Variants in FSHR observed in about 807,000 individuals in gnomAD.
FSHR encodes the protein follicle-stimulating hormone receptor.
Under a neutral mutation model 52.1 loss-of-function variants are expected in FSHR, and 46 were observed. The ratio of observed to expected loss-of-function variants is 0.88; its 90% CI spans 0.70 to 1.13. The LOEUF (loss-of-function observed/expected upper bound fraction) is 1.13, where lower values mean the gene tolerates loss of function less well. Among genes scored for constraint, FSHR ranks in the 50% most tolerant of loss-of-function variants. The pLI, the probability that FSHR is intolerant of heterozygous loss-of-function variation, is 0.00. For missense variants in FSHR, 964 were observed against 834.6 expected (o/e 1.16, Z -1.91); for synonymous variants, 399 against 309.6 (o/e 1.29, Z -3.03).
At chr2:49,054,537 C>T (rs116882003) in intron 2 of FSHR, among the ~76,000 whole-genome samples, 1 of 152,276 alleles carries the variant, frequency 6.6e-6, no homozygotes, top group East Asian at 1.9e-4. Context: ...GAGAGATAGC[C>T]CCAGGTAGAC....
chr2:49,136,485 AAAG>A (rs1672493842), intron 1 of FSHR, among the ~76,000 whole-genome samples: 1 of 152,130 alleles, frequency 6.6e-6, no homozygotes, highest in South Asian at 2.1e-4. Flanking sequence ...CCAAAAGTAA[AAAG>A]AAAATACTTT....
At chr2:49,097,331 T>C (rs1461721528) in intron 1 of FSHR, among the ~76,000 whole-genome samples, 1 of 152,242 alleles carries the variant, frequency 6.6e-6, no homozygotes, top group Non-Finnish European at 1.5e-5. Context: ...GTAGAATTTC[T>C]AGTGATACAT....
chr2:49,142,740 A>C (rs2103841353), intron 1 of FSHR, among the ~76,000 whole-genome samples: 1 of 152,300 alleles, frequency 6.6e-6, no homozygotes, highest in African/African-American at 2.4e-5. Context: ...AGCCCAGGTG[A>C]GGGATGATGG....
chr2:49,047,743 AAAG>A (rs1415668438), intron 2 of FSHR, among the ~76,000 whole-genome samples: 1 of 152,196 alleles, frequency 6.6e-6, no homozygotes, highest in Non-Finnish European at 1.5e-5. Flanking sequence ...CCTTACTGGG[AAAG>A]AAGAATTATG....
intron 2 of FSHR, among the ~76,000 whole-genome samples, 167 bp from the exon 3 acceptor site, chr2:49,020,327 G>A (rs1479798769): frequency 6.6e-6 from 1 of 152,146 alleles, no homozygotes; most frequent in South Asian, 2.1e-4. Flanking sequence ...TAACATACTA[G>A]AGGCTAACAC....
At chr2:49,004,792 C>G (rs1451561365) in intron 4 of FSHR, among the ~76,000 whole-genome samples, 2 of 152,100 alleles carry the variant, frequency 1.3e-5, no homozygotes, top group East Asian at 3.9e-4. Context: ...CTAGACTTGT[C>G]CTTATATCTG....
At chr2:49,055,580 C>G (rs1669032313) in intron 2 of FSHR, among the ~76,000 whole-genome samples, 1 of 129,640 alleles carries the variant, frequency 7.7e-6, no homozygotes, top group Non-Finnish European at 1.6e-5. Flanking sequence ...TAGGGTCAAT[C>G]CCAAAAGTTC....
chr2:49,063,446 A>G (rs1162690455), intron 2 of FSHR, among the ~76,000 whole-genome samples: 1 of 151,922 alleles, frequency 6.6e-6, no homozygotes, highest in Non-Finnish European at 1.5e-5. Context: ...ATATATATAT[A>G]TATGTATGTG....
chr2:48,997,623 A>G (rs1676082406), intron 4 of FSHR, among the ~76,000 whole-genome samples: 1 of 152,050 alleles, frequency 6.6e-6, no homozygotes, highest in African/African-American at 2.4e-5. Context: ...CTTATATTTT[A>G]CACAGGGAAA....
chr2:49,061,026 C>G (rs566020341), intron 2 of FSHR, among the ~76,000 whole-genome samples: 24 of 152,122 alleles, frequency 1.6e-4, no homozygotes, highest in Non-Finnish European at 2.9e-4. Flanking sequence ...CCTGCCCATA[C>G]CTCCAGATTA....
At chr2:49,033,580 CCAAGCTGCCTGCACTGGGGGCTGTGTG>C (rs1401786494) in intron 2 of FSHR, among the ~76,000 whole-genome samples, 2 of 152,094 alleles carry the variant, frequency 1.3e-5, no homozygotes, top group Non-Finnish European at 2.9e-5. Context: ...TGGTCTGCAA[CCAAGCTGCCTGCACTGGGGGCTGTGTG>C]CAAGCTGGAG....
At chr2:48,978,690 A>G (rs191508114) in intron 8 of FSHR, among the ~76,000 whole-genome samples, 13 of 152,344 alleles carry the variant, frequency 8.5e-5, no homozygotes, top group African/African-American at 3.1e-4. Flanking sequence ...TTCAAGGTCA[A>G]GACTCACAAG....
At chr2:49,026,113 T>C (rs990817501) in intron 2 of FSHR, among the ~76,000 whole-genome samples, 2 of 152,204 alleles carry the variant, frequency 1.3e-5, no homozygotes, top group African/African-American at 4.8e-5. Context: ...GATAAGTCTT[T>C]GCTAGAGTCA....
chr2:49,108,079 A>G lies in FSHR; in HGVS notation c.153-39789T>C, dbSNP rs910416856. Among the ~76,000 whole-genome samples the G allele has an allele frequency of 3.3e-5, 5 of 152,290 alleles. No homozygotes were observed. In the East Asian group the frequency reaches 5.8e-4, roughly 18 times the overall value. Reference sequence around the variant, plus strand: ...ATTGCCTTCTCTAACGTGAATGGGCATCATCTAATCTGTCGAGGTCCTGAA... The same window carrying G: ...ATTGCCTTCTCTAACGTGAATGGGCGTCATCTAATCTGTCGAGGTCCTGAA... On this transcript the variant is annotated intron_variant, in intron 1 of 9. Coordinates refer to ENST00000406846, the MANE Select transcript of FSHR (RefSeq NM_000145.4).
At chr2:49,057,510 T>C (rs1439619184) in intron 2 of FSHR, among the ~76,000 whole-genome samples, 7 of 151,936 alleles carry the variant, frequency 4.6e-5, no homozygotes, top group Admixed American at 2.6e-4. Flanking sequence ...AGACCAATAA[T>C]AAGTGACAAG....
At chr2:49,106,147 C>G (rs968843154) in intron 1 of FSHR, among the ~76,000 whole-genome samples, 2 of 152,176 alleles carry the variant, frequency 1.3e-5, no homozygotes, top group African/African-American at 4.8e-5. Flanking sequence ...ACCTGCCTAT[C>G]TCTCCTTCCT....
At chr2:49,103,722 C>G (rs1671117819) in intron 1 of FSHR, among the ~76,000 whole-genome samples, 1 of 152,132 alleles carries the variant, frequency 6.6e-6, no homozygotes, top group Non-Finnish European at 1.5e-5. Context: ...GTATCTGATT[C>G]TCTTGGCCTT....
intron 1 of FSHR, among the ~76,000 whole-genome samples, chr2:49,127,838 CTTCTTCTTCTTCT>C (rs1672096960): frequency 1.1e-4 from 2 of 17,648 alleles, no homozygotes; most frequent in Non-Finnish European, 2.1e-4. Context: ...TCCTCTTCTT[CTTCTTCTTCTTCT>C]TCTTCTTCTT....
At chr2:49,088,344 G>C (rs76292855) in intron 1 of FSHR, among the ~76,000 whole-genome samples, 11 of 152,314 alleles carry the variant, frequency 7.2e-5, no homozygotes, top group Admixed American at 5.2e-4. Flanking sequence ...GTCATGCGAG[G>C]TTGTGCTGGG....
Sources: gnomAD v4.1 joint callset for allele counts (sites outside exome capture counted in the v4.1 genomes callset) on GRCh38, gnomAD v4.1.1 for gene constraint, MANE v1.5 for transcripts, NCBI Gene and HGNC (gene_info 2026-07-23, HGNC 2026-07-21) for gene names.